PTPRM: variants seen among roughly 807,000 people sequenced by gnomAD.
PTPRM encodes protein tyrosine phosphatase receptor type M, also known as receptor-type tyrosine-protein phosphatase mu.
PTPRM carries 47 observed loss-of-function variants against 186.7 expected under a neutral mutation model. That is an observed-to-expected ratio of 0.25 (90% CI 0.20 to 0.32). PTPRM has a LOEUF of 0.32. Ranked by LOEUF, PTPRM falls within the 10% of genes least tolerant of loss-of-function variation. The pLI is 1.00. For missense variants in PTPRM, 1,494 were observed against 1,865.0 expected, an observed-to-expected ratio of 0.80 and a Z score of 3.66; for synonymous variants, 668 against 674.9, an observed-to-expected ratio of 0.99 and a Z score of 0.16.
chr18:7,826,518 T>C (rs1598912540), intron 2 of PTPRM, among the ~76,000 whole-genome samples: 1 of 152,224 alleles, frequency 6.6e-6, no homozygotes, highest in Non-Finnish European at 1.5e-5. Flanking sequence ...GTTTATTTCA[T>C]TTATCGTGTA....
At chr18:7,636,549 G>A (rs1308363752) in intron 1 of PTPRM, among the ~76,000 whole-genome samples, 1 of 152,118 alleles carries the variant, frequency 6.6e-6, no homozygotes, top group East Asian at 1.9e-4. Context: ...GGACAAGTGG[G>A]GCTAAAATGT....
chr18:8,247,120 T>TA (rs1267642059), intron 15 of PTPRM, among the ~76,000 whole-genome samples: 4 of 152,032 alleles, frequency 2.6e-5, no homozygotes, highest in South Asian at 2.1e-4. Flanking sequence ...TTTTTTTACT[T>TA]AAAAAAATTA....
chr18:8,229,953 G>A (rs951282290), intron 14 of PTPRM, among the ~76,000 whole-genome samples: 3 of 152,298 alleles, frequency 2.0e-5, no homozygotes, highest in Admixed American at 6.5e-5. Context: ...CCTCACCAGT[G>A]ACTCATCGTG....
At chr18:7,796,477 A>C (rs1400648690) in intron 2 of PTPRM, among the ~76,000 whole-genome samples, 4 of 152,220 alleles carry the variant, frequency 2.6e-5, no homozygotes, top group African/African-American at 9.6e-5. Context: ...GCTGGAGCCA[A>C]TTCATTCTGG....
intron 14 of PTPRM, among the ~76,000 whole-genome samples, chr18:8,148,013 A>G (rs1048978653): frequency 6.6e-6 from 1 of 152,222 alleles, no homozygotes; most frequent in Admixed American, 6.5e-5. Context: ...TGTGGTGGAT[A>G]AGCTTTTTAA....
intron 2 of PTPRM, among the ~76,000 whole-genome samples, chr18:7,886,446 A>G (rs2048789387): frequency 6.6e-6 from 1 of 152,254 alleles, no homozygotes; most frequent in Non-Finnish European, 1.5e-5. Context: ...TTTCACAGAT[A>G]GGTTCGCTTG....
At chr18:7,578,262 C>T (rs1014412844) in intron 1 of PTPRM, among the ~76,000 whole-genome samples, 12 of 151,868 alleles carry the variant, frequency 7.9e-5, no homozygotes, top group African/African-American at 2.2e-4. Flanking sequence ...CTCCTGGGCT[C>T]GAGCGATCCT....
intron 1 of PTPRM, among the ~76,000 whole-genome samples, chr18:7,724,204 T>G (rs1049871256): frequency 2.0e-5 from 3 of 152,236 alleles, no homozygotes; most frequent in African/African-American, 7.2e-5. Flanking sequence ...AACACTTTTC[T>G]AATTTTTTCT....
At chr18:7,587,886 G>A (rs1367856919) in intron 1 of PTPRM, among the ~76,000 whole-genome samples, 1 of 152,040 alleles carries the variant, frequency 6.6e-6, no homozygotes, top group Non-Finnish European at 1.5e-5. Flanking sequence ...ATCAGATAAA[G>A]TCTAACATAG....
chr18:7,722,971 A>G (rs977072111), intron 1 of PTPRM, among the ~76,000 whole-genome samples: 1 of 152,220 alleles, frequency 6.6e-6, no homozygotes, highest in Non-Finnish European at 1.5e-5. Context: ...CAAAAACTCA[A>G]GAGACAAGTT....
chr18:7,702,145 A>ATGTTCAC (rs1568038853), intron 1 of PTPRM, among the ~76,000 whole-genome samples: 1 of 152,068 alleles, frequency 6.6e-6, no homozygotes, highest in East Asian at 1.9e-4. Flanking sequence ...TGTGAACAGT[A>ATGTTCAC]AACATATGTG....
intron 1 of PTPRM, among the ~76,000 whole-genome samples, chr18:7,593,562 C>T (rs1244138655): frequency 6.6e-6 from 1 of 152,150 alleles, no homozygotes; most frequent in East Asian, 1.9e-4. Flanking sequence ...TGGAGCTTCC[C>T]CCATGTACAT....
chr18:7,990,155 C>T (rs1790695732), intron 7 of PTPRM, among the ~76,000 whole-genome samples: 1 of 152,186 alleles, frequency 6.6e-6, no homozygotes, highest in African/African-American at 2.4e-5. Flanking sequence ...TCACTGGCCT[C>T]AGCCTCCCAA....
At chr18:7,830,399 G>A (rs1567882810) in intron 2 of PTPRM, among the ~76,000 whole-genome samples, 1 of 152,210 alleles carries the variant, frequency 6.6e-6, no homozygotes, top group Non-Finnish European at 1.5e-5. Flanking sequence ...AGGGGGATAT[G>A]TTCTGAGAAA....
Position 8,069,940 on chromosome 18 carries a change from A to G in PTPRM, c.1387A>G (p.Asn463Asp), listed in dbSNP as rs1256615619. The change falls in exon 8 of 33, where the codon AAC becomes GAC. Residue 463 changes from asparagine to aspartate, a missense_variant. Coordinates refer to ENST00000580170, the MANE Select transcript of PTPRM (RefSeq NM_001105244.2). ...TGTCAGTGTGAAACTGATCCTCATG[A>G]ACCCAGAGGGCCGGAAGGAAAGCCA... ...TNVSVKLILM[N>D]PEGRKESQEL... 6.2e-7 allele frequency: 1 copy of G among 1,614,070 alleles called. No homozygotes were observed. Among genetic ancestry groups the G allele is most frequent in the African/African-American group, 1.3e-5 (1 of 75,044 alleles).
At chr18:7,909,076 G>A (rs1405158701) in intron 4 of PTPRM, among the ~76,000 whole-genome samples, 1 of 152,198 alleles carries the variant, frequency 6.6e-6, no homozygotes, top group Non-Finnish European at 1.5e-5. Context: ...GTTGCACATG[G>A]CTTTCTATTA....
chr18:7,674,748 A>G (rs1049006225), intron 1 of PTPRM, among the ~76,000 whole-genome samples: 1 of 152,230 alleles, frequency 6.6e-6, no homozygotes, highest in Non-Finnish European at 1.5e-5. Flanking sequence ...AACATAGAGA[A>G]TCAGACACTG....
chr18:7,854,114 A>G lies in PTPRM; in HGVS notation c.197-33992A>G, dbSNP rs150403468. On this transcript the variant is annotated intron_variant, in intron 2 of 32. Coordinates refer to ENST00000580170, the MANE Select transcript of PTPRM (RefSeq NM_001105244.2). ...GCAATATTAGTTTTTATGTACCATA[A>G]GAGAATGAAGGAAAATAATTCCTTC... Among the ~76,000 whole-genome samples the G allele has an allele frequency of 2.2e-3, 338 of 152,318 alleles. 1 individual carries two copies. The highest frequency in any genetic ancestry group is 7.8e-3 in the African/African-American group (324 of 41,574).
At chr18:8,123,609 G>A (rs796495252) in intron 13 of PTPRM, among the ~76,000 whole-genome samples, 2 of 152,126 alleles carry the variant, frequency 1.3e-5, no homozygotes, top group African/African-American at 4.8e-5. Context: ...TTTCCTGATT[G>A]AAGTTCTACT....
Sources: allele counts gnomAD v4.1 joint callset (sites outside exome capture counted in the v4.1 genomes callset), GRCh38; gene constraint gnomAD v4.1.1; transcripts MANE v1.5; gene names NCBI Gene and HGNC (gene_info 2026-07-23, HGNC 2026-07-21).